The following NKAIN3 variants were observed in gnomAD, a reference collection of about 807,000 sequenced individuals.
The protein encoded by NKAIN3 is sodium/potassium-transporting ATPase subunit beta-1-interacting protein 3.
A neutral mutation model predicts 30.2 loss-of-function variants in NKAIN3; 25 were observed. The ratio of observed to expected loss-of-function variants is 0.83; its 90% CI spans 0.60 to 1.16. NKAIN3 has a LOEUF of 1.16. NKAIN3 is among the 50% of genes most tolerant of loss of function. The probability of loss-of-function intolerance (pLI) is 0.00; values close to 1 mark genes in which losing one functional copy is unlikely to be tolerated. For synonymous variants in NKAIN3, 91 were observed against 89.6 expected, an observed-to-expected ratio of 1.02 and a Z score of -0.09; for missense variants, 225 against 254.1, an observed-to-expected ratio of 0.89 and a Z score of 0.78.
chr8:62,295,884 C>T (rs1258055467), intron 1 of NKAIN3, among the ~76,000 whole-genome samples: 1 of 152,116 alleles, frequency 6.6e-6, no homozygotes, highest in Non-Finnish European at 1.5e-5. Context: ...TAGCAATGAA[C>T]AAGACAGACA....
intron 4 of NKAIN3, among the ~76,000 whole-genome samples, chr8:62,874,022 T>A (rs564193510): frequency 2.1e-4 from 32 of 151,498 alleles, no homozygotes; most frequent in African/African-American, 6.8e-4. Context: ...TGAAAAACCC[T>A]CCAAAAAATC....
At chr8:62,877,120 G>T (rs918528511) in intron 4 of NKAIN3, among the ~76,000 whole-genome samples, 6 of 152,106 alleles carry the variant, frequency 3.9e-5, no homozygotes, top group Non-Finnish European at 1.5e-5. Flanking sequence ...CAGGATGAAG[G>T]TGCCAGCTCC....
chr8:62,474,692 T>A (rs551478834), intron 1 of NKAIN3, among the ~76,000 whole-genome samples: 13 of 152,306 alleles, frequency 8.5e-5, no homozygotes, highest in Admixed American at 6.5e-4. Flanking sequence ...AAATTAAGGT[T>A]AAATAAAAAC....
intron 4 of NKAIN3, among the ~76,000 whole-genome samples, chr8:62,758,478 A>T (rs1226110322): frequency 6.6e-6 from 1 of 152,210 alleles, no homozygotes; most frequent in Non-Finnish European, 1.5e-5. Flanking sequence ...GGTAAGTCTG[A>T]AATTACTTCA....
chr8:62,769,509 T>C (rs1816951357), intron 4 of NKAIN3, among the ~76,000 whole-genome samples: 1 of 152,202 alleles, frequency 6.6e-6, no homozygotes, highest in Non-Finnish European at 1.5e-5. Context: ...TAATTCAATA[T>C]GCAAAAAAAT....
chr8:62,433,233 T>C (rs1805070065), intron 1 of NKAIN3, among the ~76,000 whole-genome samples: 1 of 152,118 alleles, frequency 6.6e-6, no homozygotes, highest in Non-Finnish European at 1.5e-5. Context: ...TTGCGAGCCA[T>C]CTCTGGGCAG....
intron 3 of NKAIN3, among the ~76,000 whole-genome samples, chr8:62,686,955 G>A (rs1158316054): frequency 6.6e-6 from 1 of 152,040 alleles, no homozygotes; most frequent in Admixed American, 6.6e-5. Flanking sequence ...AGAATAGGAA[G>A]GTAACAAATG....
intron 1 of NKAIN3, among the ~76,000 whole-genome samples, chr8:62,399,482 G>A (rs1436381952): frequency 6.6e-6 from 1 of 152,142 alleles, no homozygotes; most frequent in Non-Finnish European, 1.5e-5. Context: ...TCCAGCCCAG[G>A]TGTAAGAGGC....
At chr8:62,993,336 T>A (rs1804016717) in intron 5 of NKAIN3, among the ~76,000 whole-genome samples, 1 of 152,234 alleles carries the variant, frequency 6.6e-6, no homozygotes. Flanking sequence ...TTTTACATTG[T>A]AATGTGTATT....
chr8:62,755,713 A>C (rs1039802362), intron 4 of NKAIN3, among the ~76,000 whole-genome samples: 2 of 152,146 alleles, frequency 1.3e-5, no homozygotes, highest in Non-Finnish European at 2.9e-5. Context: ...TCTAAGTGCT[A>C]GATAGAACTA....
At chr8:62,796,009 CA>C (rs1031415259) in intron 4 of NKAIN3, among the ~76,000 whole-genome samples, 6 of 151,800 alleles carry the variant, frequency 4.0e-5, no homozygotes, top group Non-Finnish European at 7.4e-5. Flanking sequence ...TTGATTTGGC[CA>C]AAAAAATGAC....
At position 62,922,994 on chromosome 8, in the gene NKAIN3, T is replaced by C. The variant is rs542848608; in HGVS notation, c.532+4481T>C. On this transcript the variant is annotated intron_variant, in intron 5 of 6. Coordinates refer to ENST00000623646, the MANE Select transcript of NKAIN3 (RefSeq NM_001304533.3). ...TCAGAAAAATGCCTTGTATGTAGAA[T>C]TCAATAAAGAAATATTTGTTGGCTG... Among the ~76,000 whole-genome samples, 4 of 152,260 alleles carry C rather than the reference T, an allele frequency of 2.6e-5. No individual in the cohort carries two copies. The East Asian group carries it at 7.7e-4, about 29-fold the overall frequency.
At chr8:62,433,068 T>G (rs1805065536) in intron 1 of NKAIN3, among the ~76,000 whole-genome samples, 2 of 152,208 alleles carry the variant, frequency 1.3e-5, no homozygotes, top group South Asian at 4.1e-4. Flanking sequence ...ATTTTATGTT[T>G]GTAAATGTTT....
At chr8:62,594,928 T>C (rs1235682516) in intron 3 of NKAIN3, among the ~76,000 whole-genome samples, 1 of 151,706 alleles carries the variant, frequency 6.6e-6, no homozygotes, top group Non-Finnish European at 1.5e-5. Flanking sequence ...AAATATATAT[T>C]ACATATATAA....
rs183351982 is a variant in NKAIN3, at chr8:62,963,059, T to C, written c.604-2295T>C. Among the ~76,000 whole-genome samples, 85 of 152,184 alleles carry C rather than the reference T, an allele frequency of 5.6e-4. No homozygotes were observed. The East Asian group carries it at 8.5e-3, about 15-fold the overall frequency. On this transcript the variant is annotated intron_variant, in intron 6 of 6. Transcript: ENST00000623646. ...GGTGCCTGCTACCACGCCTGGCTAATTTTTGGTATTTTTAGTAGAGACGGG... is the reference window on the plus strand; with the variant it reads ...GGTGCCTGCTACCACGCCTGGCTAACTTTTGGTATTTTTAGTAGAGACGGG...
At chr8:62,953,448 G>A (rs1466439919) in intron 5 of NKAIN3, among the ~76,000 whole-genome samples, 2 of 152,204 alleles carry the variant, frequency 1.3e-5, no homozygotes, top group Non-Finnish European at 2.9e-5. Flanking sequence ...TTTTTGGGGA[G>A]TGGCTTGGGG....
intron 1 of NKAIN3, among the ~76,000 whole-genome samples, chr8:62,279,224 A>AT (rs1223722883): frequency 2.0e-5 from 3 of 149,654 alleles, no homozygotes; most frequent in Admixed American, 6.6e-5. Context: ...TGATAGGGTT[A>AT]TTTTTTCTTA....
chr8:62,529,047 C>G (rs1002483753), intron 1 of NKAIN3, among the ~76,000 whole-genome samples: 2 of 152,084 alleles, frequency 1.3e-5, no homozygotes, highest in African/African-American at 4.8e-5. Flanking sequence ...GCTAGACAAG[C>G]AGCTCTCAAT....
chr8:62,262,712 G>A (rs188445320), intron 1 of NKAIN3, among the ~76,000 whole-genome samples: 4 of 152,230 alleles, frequency 2.6e-5, no homozygotes, highest in Admixed American at 6.5e-5. Context: ...CCTTAGGGAT[G>A]TGCTCTTCCC....
Sources: gnomAD v4.1 joint callset for allele counts (sites outside exome capture counted in the v4.1 genomes callset) on GRCh38, gnomAD v4.1.1 for gene constraint, MANE v1.5 for transcripts, NCBI Gene and HGNC (gene_info 2026-07-23, HGNC 2026-07-21) for gene names.